ELOVL6: variants seen among roughly 807,000 people sequenced by gnomAD.
The protein encoded by ELOVL6 is ELOVL fatty acid elongase 6, also known as very long chain fatty acid elongase 6.
ELOVL6 carries 8 observed loss-of-function variants against 31.7 expected under a neutral mutation model. The observed-to-expected ratio is 0.25, with a 90% confidence interval of 0.15 to 0.45. The LOEUF (loss-of-function observed/expected upper bound fraction) is 0.45. Ranked by LOEUF, ELOVL6 falls within the 20% of genes least tolerant of loss-of-function variation. ELOVL6 has a pLI of 1.00. For missense variants in ELOVL6, 126 were observed against 326.4 expected, an observed-to-expected ratio of 0.39 and a Z score of 4.73; for synonymous variants, 101 against 117.7, an observed-to-expected ratio of 0.86 and a Z score of 0.92.
At chr4:110,158,657 A>ATATATATATATATATT in intron 1 of ELOVL6, among the ~76,000 whole-genome samples, 4 of 74,156 alleles carry the variant, frequency 5.4e-5, no homozygotes, top group African/African-American at 3.3e-4. Context: ...ATATATATAT[A>ATATATATATATATATT]TTTTTTTTTT....
rs1370368060 is a variant in ELOVL6 at position 110,047,736 on chromosome 4, A to G, written c.*3602T>C. On this transcript the variant is annotated 3_prime_UTR_variant, in exon 4 of 4. Transcript: ENST00000302274. ...GAAACCCTGTCTCTACTAAAAATAC[A>G]AAAATTAGCTGGGTGTGGTGGCGGG... is the stretch of plus-strand genomic sequence containing the variant. 1 of 152,052 alleles carries G rather than the reference A, an allele frequency of 6.6e-6. No individual in the cohort carries two copies. 9.4% of individuals were successfully genotyped at this position (152,052 alleles called of 1,614,324 possible).
At chr4:110,076,761 C>T (rs1338707099) in intron 2 of ELOVL6, among the ~76,000 whole-genome samples, 2 of 152,096 alleles carry the variant, frequency 1.3e-5, no homozygotes, top group Non-Finnish European at 2.9e-5. Flanking sequence ...TGCAGCGCAC[C>T]GAGTGTGAGC....
intron 1 of ELOVL6, among the ~76,000 whole-genome samples, chr4:110,189,721 C>A (rs1281060843): frequency 6.6e-6 from 1 of 150,736 alleles, no homozygotes; most frequent in Non-Finnish European, 1.5e-5. Flanking sequence ...GTAATCCCAG[C>A]ACTTTGGGAG....
Position 110,111,946 on chromosome 4 carries a change from T to C in ELOVL6, c.90-6318A>G, listed in dbSNP as rs79205428. On this transcript the variant is annotated intron_variant, in intron 1 of 3. Transcript: ENST00000302274. ...TGTGAGGCATGTGCCCAGTAATTTGTTACTACTAATTAAAGTACAGGACTG... is the reference window on the plus strand; with the variant it reads ...TGTGAGGCATGTGCCCAGTAATTTGCTACTACTAATTAAAGTACAGGACTG... Among the ~76,000 whole-genome samples the C allele has an allele frequency of 4.3e-4, 66 of 152,358 alleles. No individual in the cohort carries two copies. The East Asian group carries it at 0.011, about 26-fold the overall frequency.
chr4:110,116,804 T>G (rs1018489593), intron 1 of ELOVL6, among the ~76,000 whole-genome samples: 2 of 152,218 alleles, frequency 1.3e-5, no homozygotes, highest in Non-Finnish European at 2.9e-5. Flanking sequence ...TAGGTTTCTA[T>G]GCAGCAATGG....
chr4:110,121,553 G>C (rs919157525), intron 1 of ELOVL6, among the ~76,000 whole-genome samples: 1 of 152,102 alleles, frequency 6.6e-6, no homozygotes, highest in Non-Finnish European at 1.5e-5. Context: ...AAAAAAATTA[G>C]CCAGGCGTGG....
At chr4:110,193,614 CAAAAT>C (rs1177811895) in intron 1 of ELOVL6, among the ~76,000 whole-genome samples, 1 of 151,954 alleles carries the variant, frequency 6.6e-6, no homozygotes. Context: ...AAAAATAAAA[CAAAAT>C]AAAATAAAAT....
intron 1 of ELOVL6, among the ~76,000 whole-genome samples, chr4:110,115,161 T>G (rs1351094437): frequency 6.6e-6 from 1 of 152,140 alleles, no homozygotes; most frequent in East Asian, 1.9e-4. Flanking sequence ...TCCCTCAATA[T>G]AAATTTTGAA....
chr4:110,180,476 G>A (rs569141992), intron 1 of ELOVL6, among the ~76,000 whole-genome samples: 7 of 152,260 alleles, frequency 4.6e-5, no homozygotes, highest in Admixed American at 6.5e-5. Context: ...CTCAAACTCC[G>A]GGCTCAAGCA....
At chr4:110,100,753 C>T (rs1756718675) in intron 2 of ELOVL6, among the ~76,000 whole-genome samples, 1 of 152,178 alleles carries the variant, frequency 6.6e-6, no homozygotes, top group African/African-American at 2.4e-5. Context: ...CCTTCATTTT[C>T]TAAATTGATT....
intron 2 of ELOVL6, among the ~76,000 whole-genome samples, chr4:110,091,359 C>G (rs1423185441): frequency 1.3e-5 from 2 of 152,194 alleles, no homozygotes; most frequent in African/African-American, 4.8e-5. Context: ...CTGTTCACAA[C>G]TGGAAAAGTA....
chr4:110,077,260 G>C (rs529166827), intron 2 of ELOVL6, among the ~76,000 whole-genome samples: 1 of 152,310 alleles, frequency 6.6e-6, no homozygotes, highest in African/African-American at 2.4e-5. Flanking sequence ...CCAGCACGCA[G>C]CTGGAGATCT....
At chr4:110,150,372 A>C (rs868584813) in intron 1 of ELOVL6, among the ~76,000 whole-genome samples, 7 of 152,334 alleles carry the variant, frequency 4.6e-5, no homozygotes, top group Admixed American at 1.3e-4. Flanking sequence ...TTCTTTGCTT[A>C]CAGATTGATC....
At chr4:110,089,246 A>G (rs1217337887) in intron 2 of ELOVL6, among the ~76,000 whole-genome samples, 2 of 152,200 alleles carry the variant, frequency 1.3e-5, no homozygotes, top group South Asian at 4.1e-4. Context: ...GGTAGTGTAT[A>G]AAAACGTGCA....
intron 1 of ELOVL6, among the ~76,000 whole-genome samples, chr4:110,121,471 A>T (rs1201269408): frequency 1.3e-5 from 2 of 152,212 alleles, no homozygotes; most frequent in Non-Finnish European, 2.9e-5. Flanking sequence ...AAGAAATCCC[A>T]GTTGGTTCTT....
chr4:110,166,370 T>C (rs1195371466), intron 1 of ELOVL6, among the ~76,000 whole-genome samples: 2 of 152,108 alleles, frequency 1.3e-5, no homozygotes, highest in Non-Finnish European at 2.9e-5. Flanking sequence ...CCCAGCACTT[T>C]GGGAGGCCAA....
intron 1 of ELOVL6, among the ~76,000 whole-genome samples, chr4:110,141,345 A>C (rs1001605249): frequency 6.6e-6 from 1 of 152,082 alleles, no homozygotes; most frequent in African/African-American, 2.4e-5. Flanking sequence ...TTACAGGCAT[A>C]AGCCACCGTG....
At chr4:110,072,642 T>A (rs1755524496) in intron 2 of ELOVL6, among the ~76,000 whole-genome samples, 1 of 152,100 alleles carries the variant, frequency 6.6e-6, no homozygotes, top group Non-Finnish European at 1.5e-5. Flanking sequence ...GTTGCCGAGT[T>A]CATCTGCTTC....
intron 3 of ELOVL6, 144 bp downstream of exon 3, chr4:110,059,459 G>T: frequency 1.3e-6 from 1 of 788,388 alleles, no homozygotes; most frequent in Non-Finnish European, 2.0e-6. Context: ...AAAAGTAGAA[G>T]TCAGGCAAGA....
Sources: gnomAD v4.1 joint callset for allele counts (sites outside exome capture counted in the v4.1 genomes callset) on GRCh38, gnomAD v4.1.1 for gene constraint, MANE v1.5 for transcripts, NCBI Gene and HGNC (gene_info 2026-07-23, HGNC 2026-07-21) for gene names.